The following NELFA variants were observed in gnomAD, a reference collection of about 807,000 sequenced individuals.
NELFA encodes the protein negative elongation factor complex member A.
A neutral mutation model predicts 51.8 loss-of-function variants in NELFA; 35 were observed. The ratio of observed to expected loss-of-function variants is 0.68; its 90% confidence interval spans 0.52 to 0.90. The LOEUF (loss-of-function observed/expected upper bound fraction) is 0.90, where lower values mean the gene tolerates loss of function less well. Among genes scored for constraint, NELFA ranks in the 40% least tolerant of loss-of-function variants. The probability of loss-of-function intolerance (pLI) is 0.00; values close to 1 mark genes in which losing one functional copy is unlikely to be tolerated. For synonymous variants in NELFA, 417 were observed against 338.4 expected (o/e 1.23, Z -2.55); for missense variants, 658 against 746.4 (o/e 0.88, Z 1.38).
chr4:1,987,896 G>C (rs755420294), intron 4 of NELFA, 22 bp downstream of exon 4: 36 of 1,581,304 alleles, frequency 2.3e-5, no homozygotes, highest in Non-Finnish European at 3.0e-5. Context: ...CAAGGCTCAC[G>C]GCACCAGGGT....
chr4:1,984,255 G>T, intron 8 of NELFA, 142 bp from the exon 9 acceptor site: 1 of 1,079,606 alleles, frequency 9.3e-7, no homozygotes, highest in Non-Finnish European at 1.3e-6. Context: ...CCCAGCCAAG[G>T]CACAGGCCCC....
chr4:1,996,616 T>C (rs2109063329), intron 1 of NELFA, among the ~76,000 whole-genome samples: 1 of 152,360 alleles, frequency 6.6e-6, no homozygotes, highest in East Asian at 1.9e-4. Flanking sequence ...ATAATCACTA[T>C]ACATGCTTCT....
Position 2,008,857 on chromosome 4 carries a change from C to A in NELFA, c.103G>T (p.Ala35Ser). ...AGACGGATGTTGTCGATGACCGCGG[C>A]CGTGAGCAGGGACGCGATGCTGGGC... ...APPSIASLLT[A>S]AVIDNIRLCF... is the part of the protein sequence containing the mutation. The change falls in exon 1 of 11, where the codon GCC (alanine) becomes TCC (serine). Residue 35 changes from alanine (A) to serine (S), a missense_variant. By Grantham distance (99) the Ala-to-Ser change is moderately conservative. Around this residue, in one of 3 missense-constraint regions of NELFA, gnomAD observed 371 missense variants for 448.3 expected, o/e 0.83. Coordinates refer to ENST00000382882, the MANE Select transcript of NELFA (RefSeq NM_005663.5). 6.2e-7 allele frequency: 1 copy of A among 1,605,710 alleles called. No individual in the cohort carries two copies. The highest frequency in any genetic ancestry group is 8.5e-7 in the Non-Finnish European group (1 of 1,176,898).
At chr4:2,007,919 C>A (rs1045948795) in intron 1 of NELFA, 1 of 454,848 alleles carries the variant, frequency 2.2e-6, no homozygotes, top group Non-Finnish European at 4.4e-6. Context: ...TTATTTCGCA[C>A]GGAAAGCGAT....
chr4:1,984,706 A>G, intron 8 of NELFA, 102 bp downstream of exon 8: 1 of 763,150 alleles, frequency 1.3e-6, no homozygotes, highest in Non-Finnish European at 2.1e-6. Flanking sequence ...GGGGGACAAC[A>G]GAGATGCAGG....
chr4:2,008,436 G>A (rs231190), intron 1 of NELFA, among the ~76,000 whole-genome samples: 36,428 of 146,874 alleles, frequency 0.25, 4,759 homozygotes, highest in East Asian at 0.3. Context: ...GAAAAGTAGG[G>A]AGGTGAGGAC....
chr4:1,988,567 G>A (rs1024242213), intron 3 of NELFA, among the ~76,000 whole-genome samples: 31 of 152,322 alleles, frequency 2.0e-4, no homozygotes, highest in African/African-American at 6.5e-4. Flanking sequence ...GGAGCCTCCC[G>A]GACAGCGCTG....
intron 4 of NELFA, among the ~76,000 whole-genome samples, chr4:1,987,024 G>A (rs930519550): frequency 6.6e-6 from 1 of 152,136 alleles, no homozygotes; most frequent in Non-Finnish European, 1.5e-5. Flanking sequence ...TGCTCCAGGC[G>A]GGGTAGAGGA....
At chr4:1,996,005 G>A (rs1728412756) in intron 1 of NELFA, among the ~76,000 whole-genome samples, 1 of 151,672 alleles carries the variant, frequency 6.6e-6, no homozygotes, top group Admixed American at 6.6e-5. Flanking sequence ...AAACAGTTAA[G>A]AATAGAATAG....
At chr4:1,997,211 T>C (rs1192777766) in intron 1 of NELFA, among the ~76,000 whole-genome samples, 1 of 152,178 alleles carries the variant, frequency 6.6e-6, no homozygotes, top group African/African-American at 2.4e-5. Context: ...ATTACCAAGT[T>C]CTACCAAATA....
intron 1 of NELFA, among the ~76,000 whole-genome samples, chr4:1,994,540 G>T (rs1349221938): frequency 6.6e-6 from 1 of 151,606 alleles, no homozygotes; most frequent in Non-Finnish European, 1.5e-5. Flanking sequence ...ACTCCAGCCT[G>T]GGCAACAGAG....
chr4:1,986,303 C>A lies in NELFA; in HGVS notation c.734G>T (p.Arg245Met). 1 of 1,590,652 alleles carries A rather than the reference C, an allele frequency of 6.3e-7. No homozygotes were observed. ...TGNRTPIPPS[R>M]TLLRKERGVK... ...ACCTCGTTCCTTCCGCAGCAGCGTC[C>A]TGGAAGGCGGGATGGGGGTCCGGTT... is the stretch of plus-strand genomic sequence containing the variant. The change falls in exon 5 of 11, where the codon AGG becomes ATG. Residue 245 changes from arginine (R) to methionine (M), a missense_variant. By Grantham distance (91) the Arg-to-Met change is moderately conservative (BLOSUM62 -1). This residue lies in a region of NELFA where 371 missense variants were observed against 448.3 expected (regional missense o/e 0.83). Coordinates refer to ENST00000382882, the MANE Select transcript of NELFA (RefSeq NM_005663.5).
chr4:1,990,844 A>T (rs1412049819), intron 2 of NELFA, among the ~76,000 whole-genome samples: 2 of 152,248 alleles, frequency 1.3e-5, no homozygotes, highest in Non-Finnish European at 2.9e-5. Flanking sequence ...CCTGTTACCC[A>T]GGCTGGAGTG....
chr4:1,991,479 A>C, intron 2 of NELFA, 65 bp downstream of exon 2: 1 of 1,563,464 alleles, frequency 6.4e-7, no homozygotes, highest in South Asian at 1.2e-5. Flanking sequence ...TTCATTTCAG[A>C]AAAAAATTTT....
At chr4:1,990,348 C>T (rs185729211) in intron 2 of NELFA, 97 of 455,948 alleles carry the variant, frequency 2.1e-4, no homozygotes, top group Admixed American at 2.0e-3. Context: ...TGCTCACCCA[C>T]GGTTCAGATC....
chr4:1,997,268 A>G (rs1728451079), intron 1 of NELFA, among the ~76,000 whole-genome samples: 1 of 152,214 alleles, frequency 6.6e-6, no homozygotes, highest in South Asian at 2.1e-4. Flanking sequence ...CCAAAGAAAA[A>G]GAAAAGACCA....
At chr4:1,997,632 C>T (rs533266634) in intron 1 of NELFA, among the ~76,000 whole-genome samples, 1 of 152,220 alleles carries the variant, frequency 6.6e-6, no homozygotes, top group Non-Finnish European at 1.5e-5. Context: ...AGAGACTGAA[C>T]ACTCGAAAAT....
intron 1 of NELFA, 61 bp downstream of exon 1, chr4:2,008,689 T>G: frequency 6.5e-7 from 1 of 1,538,368 alleles, no homozygotes; most frequent in Non-Finnish European, 8.8e-7. Context: ...GAGTTGGGTG[T>G]GCGGGTCGGA....
At chr4:1,991,280 G>A (rs1423733748) in intron 2 of NELFA, among the ~76,000 whole-genome samples, 3 of 152,324 alleles carry the variant, frequency 2.0e-5, no homozygotes, top group East Asian at 1.9e-4. Flanking sequence ...ACCAGAGAGA[G>A]ACGGCGAGTG....
Sources: gnomAD v4.1 joint callset for allele counts (sites outside exome capture counted in the v4.1 genomes callset) on GRCh38, gnomAD v4.1.1 for gene constraint, gnomAD v4.1.1 regional missense constraint, MANE v1.5 for transcripts, NCBI Gene and HGNC (gene_info 2026-07-23, HGNC 2026-07-21) for gene names.